CACNA1G: variants seen among roughly 807,000 people sequenced by gnomAD.
The protein encoded by CACNA1G is voltage-dependent T-type calcium channel subunit alpha-1G.
A neutral mutation model predicts 219.4 loss-of-function variants in CACNA1G; 67 were observed. The observed-to-expected ratio is 0.31, with a 90% CI of 0.25 to 0.37. The LOEUF is 0.37. Among genes scored for constraint, CACNA1G ranks in the 10% least tolerant of loss-of-function variants. The probability of loss-of-function intolerance (pLI) is 1.00; values close to 1 mark genes in which losing one functional copy is unlikely to be tolerated. For missense variants in CACNA1G, 2,380 were observed against 3,231.4 expected (o/e 0.74, Z 6.39); for synonymous variants, 1,296 against 1,345.3 (o/e 0.96, Z 0.80).
At position 50,618,216 on chromosome 17, in the gene CACNA1G, C is replaced by A. The variant is rs2050992578; in HGVS notation, c.5306-6C>A. ...TGGGCCTCTCCCCCTTTCCCTCCTC[C>A]CCCAGAGTGTGACGAGACACACCCC... On this transcript the variant is annotated splice_region_variant and splice_polypyrimidine_tract_variant and intron_variant, in intron 31 of 37. Transcript: ENST00000359106. This position sits in a 1 kb window ranked among gnomAD's most constrained non-coding sequence, Gnocchi z 5.3. The A allele has an allele frequency of 1.9e-6, 3 of 1,613,402 alleles. No individual in the cohort carries two copies. The highest frequency in any genetic ancestry group is 2.5e-6 in the Non-Finnish European group (3 of 1,179,550).
Position 50,561,214 on chromosome 17 carries a change from C to T in CACNA1G, c.-246C>T, listed in dbSNP as rs1262746609. On this transcript the variant is annotated 5_prime_UTR_variant, in exon 1 of 38. Coordinates refer to ENST00000359106, the MANE Select transcript of CACNA1G (RefSeq NM_018896.5). ...GAGCCGGCCGGCTGGCCCGGGAAGC[C>T]CCAGGGGCGCAGGGGAAGCGGGACT... is the stretch of plus-strand genomic sequence containing the variant. 1 of 565,632 alleles carries T rather than the reference C, an allele frequency of 1.8e-6. No homozygotes were observed. The highest frequency in any genetic ancestry group is 1.9e-5 in the South Asian group (1 of 52,026). The allele number at this position is 565,632 out of a possible 1,614,324, so 35.0% of individuals were successfully genotyped here.
intron 35 of CACNA1G, among the ~76,000 whole-genome samples, chr17:50,623,059 T>C (rs59103452): frequency 0.1 from 15,295 of 148,418 alleles, 927 homozygotes; most frequent in African/African-American, 0.17. Context: ...CCTCCCCCAC[T>C]GACAGCACAG....
chr17:50,603,322 C>G lies in CACNA1G; in HGVS notation c.4169+123C>G. ...GCACAGGCCAGCATCCTGTCTGTGACCCCCACAGGCGATCCTGTCCCCGCC... is the reference window on the plus strand; with the variant it reads ...GCACAGGCCAGCATCCTGTCTGTGAGCCCCACAGGCGATCCTGTCCCCGCC... On this transcript the variant is annotated intron_variant, in intron 21 of 37. Coordinates refer to ENST00000359106, the MANE Select transcript of CACNA1G (RefSeq NM_018896.5). The surrounding 1 kb of genome is among the most constrained non-coding windows in gnomAD (Gnocchi z 6.4). The G allele has an allele frequency of 1.2e-6, 1 of 802,838 alleles. No homozygotes were observed. The allele number at this position is 802,838 out of a possible 1,614,324, so 49.7% of individuals were successfully genotyped here. A position where few individuals can be genotyped will look rare whatever the true frequency, so the allele number is the denominator to read the frequency against.
chr17:50,619,372 C>G (rs2051231296), intron 33 of CACNA1G, among the ~76,000 whole-genome samples: 1 of 152,086 alleles, frequency 6.6e-6, no homozygotes, highest in African/African-American at 2.4e-5. Flanking sequence ...CTGCCTGATT[C>G]TCTTCCATCT....
At chr17:50,585,286 C>T (rs539864006) in intron 9 of CACNA1G, among the ~76,000 whole-genome samples, 7 of 152,188 alleles carry the variant, frequency 4.6e-5, no homozygotes, top group South Asian at 2.1e-4. Flanking sequence ...GCTGGGACTA[C>T]GGGCACCTGC....
At chr17:50,583,625 G>A (rs1395105612) in intron 9 of CACNA1G, among the ~76,000 whole-genome samples, 2 of 127,212 alleles carry the variant, frequency 1.6e-5, no homozygotes, top group African/African-American at 5.7e-5. Context: ...ACGGAGCCTC[G>A]AAAGATGAAT....
At chr17:50,572,991 A>G (rs1435085502) in intron 6 of CACNA1G, 30 bp from the exon 7 acceptor site, 3 of 1,569,446 alleles carry the variant, frequency 1.9e-6, no homozygotes, top group Admixed American at 1.9e-5. Context: ...TGGTGGGCCC[A>G]TAGTCAGCCT....
Position 50,600,082 on chromosome 17 carries a change from G to A in CACNA1G, c.3690+223G>A, listed in dbSNP as rs968092662. ...CTGGGGCTGCGGCTCTGCCACCCTT[G>A]GTGGATATGAATGATTTTGGACAGA... is the stretch of plus-strand genomic sequence containing the variant. On this transcript the variant is annotated intron_variant, in intron 17 of 37. Coordinates refer to ENST00000359106, the MANE Select transcript of CACNA1G (RefSeq NM_018896.5). This position sits in a 1 kb window ranked among gnomAD's most constrained non-coding sequence, Gnocchi z 4.1. Among the ~76,000 whole-genome samples the A allele has an allele frequency of 1.3e-5, 2 of 152,176 alleles. No homozygotes were observed. The highest frequency in any genetic ancestry group is 2.9e-5 in the Non-Finnish European group (2 of 68,032).
chr17:50,616,670 C>T (rs1406255052), intron 28 of CACNA1G, among the ~76,000 whole-genome samples: 1 of 152,186 alleles, frequency 6.6e-6, no homozygotes, highest in Non-Finnish European at 1.5e-5. Flanking sequence ...AGCCTGGAGC[C>T]AGACTGCCTG....
At position 50,618,982 on chromosome 17, in the gene CACNA1G, T is replaced by G; in HGVS notation, c.5755T>G (p.Ser1919Ala). The G allele has an allele frequency of 6.5e-7, 1 of 1,535,676 alleles. No homozygotes were observed. Among genetic ancestry groups the G allele is most frequent in the South Asian group, 1.3e-5 (1 of 78,714 alleles). ...CCCAGCGGCCCACGCGAGATCAGCCTCCCACTTTTCCCTGGAGCACCCCAC... is the reference window on the plus strand; with the variant it reads ...CCCAGCGGCCCACGCGAGATCAGCCGCCCACTTTTCCCTGGAGCACCCCAC... ...LHPAAHARSA[S>A]HFSLEHPTDR... The change falls in exon 33 of 38, where the codon TCC (serine) becomes GCC (alanine). Residue 1919 changes from serine to alanine, a missense_variant. Ser to Ala is a moderately conservative substitution (Grantham distance 99). Transcript: ENST00000359106. This position sits in a 1 kb window ranked among gnomAD's most constrained non-coding sequence, Gnocchi z 5.3.
chr17:50,560,820 C>T lies in CACNA1G; in HGVS notation c.-640C>T, dbSNP rs1013164841. Reference sequence around the variant, plus strand: ...GCTACGGCAGCGGCAGCCACCGCGGCGGCTGCGGCGGCGGCATCTCCGCCT... The same window carrying T: ...GCTACGGCAGCGGCAGCCACCGCGGTGGCTGCGGCGGCGGCATCTCCGCCT... On this transcript the variant is annotated 5_prime_UTR_variant, in exon 1 of 38. Coordinates refer to ENST00000359106, the MANE Select transcript of CACNA1G (RefSeq NM_018896.5). Among the ~76,000 whole-genome samples, 67 of 152,190 alleles carry T rather than the reference C, an allele frequency of 4.4e-4. No individual in the cohort carries two copies. The highest frequency in any genetic ancestry group is 8.1e-4 in the Non-Finnish European group (55 of 67,934).
rs950741395 is a variant in CACNA1G, at chr17:50,608,110, C to T, written c.4705+91C>T. The T allele has an allele frequency of 1.1e-4, 139 of 1,228,802 alleles. 1 individual carries two copies. In the East Asian group the frequency reaches 1.9e-3, roughly 17 times the overall value. 76.1% of individuals were successfully genotyped at this position (1,228,802 alleles called of 1,614,324 possible). On this transcript the variant is annotated intron_variant, in intron 25 of 37. Coordinates refer to ENST00000359106, the MANE Select transcript of CACNA1G (RefSeq NM_018896.5). Reference sequence around the variant, plus strand: ...CCTTGCGACTGCAGGGGGCTGGGCGCTGGGGCCGGGGGCAGGGAGAAGAGG... The same window carrying T: ...CCTTGCGACTGCAGGGGGCTGGGCGTTGGGGCCGGGGGCAGGGAGAAGAGG...
At chr17:50,599,039 T>A (rs1408958335) in intron 16 of CACNA1G, among the ~76,000 whole-genome samples, 1 of 152,226 alleles carries the variant, frequency 6.6e-6, no homozygotes, top group Non-Finnish European at 1.5e-5. Context: ...TGTGTCTCCT[T>A]TTGAGGAATG....
chr17:50,601,130 A>G lies in CACNA1G; in HGVS notation c.3871A>G (p.Ile1291Val). ...CCTTGTCATCATCTTCCTTAACTGC[A>G]TCACCATCGCCATGGAGCGCCCCAA... ...VVLVIIFLNC[I>V]TIAMERPKID... The change falls in exon 19 of 38, where the codon ATC (isoleucine) becomes GTC (valine). Residue 1291 changes from isoleucine (I) to valine (V), a missense_variant. By Grantham distance (29) the Ile-to-Val change is conservative (BLOSUM62 3). This residue lies in a region of CACNA1G where 153 missense variants were observed against 374.9 expected (regional missense o/e 0.41). Transcript: ENST00000359106. The G allele has an allele frequency of 6.2e-7, 1 of 1,613,842 alleles. No individual in the cohort carries two copies. Among genetic ancestry groups the G allele is most frequent in the East Asian group, 2.2e-5 (1 of 44,870 alleles).
chr17:50,621,755 T>G lies in CACNA1G; in HGVS notation c.6021T>G (p.Asp2007Glu). The G allele has an allele frequency of 6.2e-7, 1 of 1,613,972 alleles. No individual in the cohort carries two copies. The highest frequency in any genetic ancestry group is 8.5e-7 in the Non-Finnish European group (1 of 1,179,866). ...CTCTGACGGATGACTCTTTGCCTGA[T>G]GACATGCACACACTCTTACTTAGTG... is the stretch of plus-strand genomic sequence containing the variant. ...SLALTDDSLP[D>E]DMHTLLLSAL... Residue 2007 changes from aspartate to glutamate, a missense_variant, in exon 35 of 38, where the codon GAT becomes GAG. This residue lies in a region of CACNA1G where 672 missense variants were observed against 670.5 expected (regional missense o/e 1.00). Coordinates refer to ENST00000359106, the MANE Select transcript of CACNA1G (RefSeq NM_018896.5). This position sits in a 1 kb window ranked among gnomAD's most constrained non-coding sequence, Gnocchi z 4.6.
intron 36 of CACNA1G, 66 bp downstream of exon 36, chr17:50,624,141 C>T: frequency 6.4e-7 from 1 of 1,556,184 alleles, no homozygotes; most frequent in East Asian, 2.3e-5. Context: ...TAAGCCAGTC[C>T]TGATCTGAGG....
intron 16 of CACNA1G, among the ~76,000 whole-genome samples, chr17:50,598,706 G>A (rs540982161): frequency 2.0e-4 from 30 of 152,264 alleles, no homozygotes; most frequent in African/African-American, 4.1e-4. Context: ...GATTAGTGAC[G>A]TTGAGCATTT....
At chr17:50,589,995 C>T (rs188812549) in intron 9 of CACNA1G, among the ~76,000 whole-genome samples, 3 of 151,414 alleles carry the variant, frequency 2.0e-5, no homozygotes, top group Non-Finnish European at 2.9e-5. Context: ...GAGAAAGCTG[C>T]CAAGTCCACA....
In CACNA1G at chr17:50,578,403, C is replaced by T. The variant is rs201270381; in HGVS notation, c.2140C>T (p.Arg714Trp). The T allele has an allele frequency of 1.2e-4, 195 of 1,613,238 alleles. No homozygotes were observed. Among genetic ancestry groups the T allele is most frequent in the African/African-American group, 9.5e-4 (71 of 74,926 alleles). ...DLRDPHSRRQRSLGPDAEPSS... is the reference protein window; with the variant it reads ...DLRDPHSRRQWSLGPDAEPSS... ...CCGGGACCCCCACAGCCGGCGGCAA[C>T]GGAGCCTGGGCCCAGATGCAGAGCC... The change falls in exon 9 of 38, where the codon CGG becomes TGG. Residue 714 changes from arginine (R) to tryptophan (W), a missense_variant. Transcript: ENST00000359106. The surrounding 1 kb of genome is among the most constrained non-coding windows in gnomAD (Gnocchi z 4.5).
Sources: gnomAD v4.1 joint callset for allele counts (sites outside exome capture counted in the v4.1 genomes callset) on GRCh38, gnomAD v4.1.1 for gene constraint, gnomAD v4.1.1 regional missense constraint, Gnocchi (gnomAD v3.1) non-coding constraint, MANE v1.5 for transcripts, NCBI Gene and HGNC (gene_info 2026-07-23, HGNC 2026-07-21) for gene names.